The following ARMCX4 variants were observed in gnomAD, a reference collection of about 807,000 sequenced individuals.
ARMCX4 encodes armadillo repeat containing X-linked 4, also known as armadillo repeat-containing X-linked protein 4.
Under a neutral mutation model 34.7 loss-of-function variants are expected in ARMCX4, and 3 were observed. The ratio of observed to expected loss-of-function variants is 0.09; its 90% CI spans 0.04 to 0.22. The LOEUF (loss-of-function observed/expected upper bound fraction) is 0.22, where lower values mean the gene tolerates loss of function less well. Among genes scored for constraint, ARMCX4 ranks in the 10% least tolerant of loss-of-function variants. The pLI, the probability that ARMCX4 is intolerant of heterozygous loss-of-function variation, is 1.00. For synonymous variants in ARMCX4, 513 were observed against 632.8 expected (o/e 0.81, Z 2.84); for missense variants, 1,448 against 1,720.8 (o/e 0.84, Z 2.81).
intron 3 of ARMCX4, among the ~76,000 whole-genome samples, chrX:101,444,989 T>C (rs782204847): frequency 9.5e-4 from 106 of 111,965 alleles, no homozygotes; most frequent in Non-Finnish European, 9.0e-4. Context: ...TGGAATAACA[T>C]TGCTGTCAAA....
At chrX:101,435,706 G>A (rs1473345574) in intron 2 of ARMCX4, among the ~76,000 whole-genome samples, 1 of 109,296 alleles carries the variant, frequency 9.1e-6, no homozygotes, top group Non-Finnish European at 1.9e-5. Context: ...TTTTAGACAT[G>A]AAGTCCTTGC....
At chrX:101,511,648 T>C (rs782213525) in intron 11 of ARMCX4, among the ~76,000 whole-genome samples, 1 of 111,324 alleles carries the variant, frequency 9.0e-6, no homozygotes, top group Non-Finnish European at 1.9e-5. Context: ...ACTTTTTTTT[T>C]TTCTGAGCAT....
chrX:101,439,833 C>G (rs1486281501), intron 2 of ARMCX4, among the ~76,000 whole-genome samples: 1 of 108,614 alleles, frequency 9.2e-6, no homozygotes, highest in African/African-American at 3.4e-5. Context: ...TCCATCAGGT[C>G]CTTTAAGGAC....
At chrX:101,487,997 T>C in intron 4 of ARMCX4, 47 bp from the exon 5 acceptor site, 1 of 768,044 alleles carries the variant, frequency 1.3e-6, no homozygotes, top group South Asian at 2.2e-5. Flanking sequence ...CATCTGTCTG[T>C]CTGTCTCTAG....
chrX:101,483,591 T>C (rs1933563426), upstream of ARMCX4, among the ~76,000 whole-genome samples: 1 of 112,107 alleles, frequency 8.9e-6, no homozygotes. Flanking sequence ...TTCATGTCTT[T>C]TGGCACATTT....
At chrX:101,471,656 C>A (rs1432384771) in intron 4 of ARMCX4, among the ~76,000 whole-genome samples, 1 of 111,516 alleles carries the variant, frequency 9.0e-6, no homozygotes, top group Non-Finnish European at 1.9e-5. Context: ...ACCCCTGACC[C>A]TGGAGCAGCC....
chrX:101,522,520 C>A (rs1934875498), intron 11 of ARMCX4, among the ~76,000 whole-genome samples: 1 of 111,771 alleles, frequency 8.9e-6, no homozygotes, highest in Non-Finnish European at 1.9e-5. Context: ...TTCACATATG[C>A]CATTTTACTA....
At chrX:101,458,394 C>T (rs1036957979) in intron 4 of ARMCX4, among the ~76,000 whole-genome samples, 1 of 110,886 alleles carries the variant, frequency 9.0e-6, no homozygotes, top group African/African-American at 3.3e-5. Flanking sequence ...AATTGTGATT[C>T]TAAATTACCA....
downstream of ARMCX4, among the ~76,000 whole-genome samples, chrX:101,534,666 G>A (rs1416800883): frequency 5.5e-4 from 59 of 107,807 alleles, no homozygotes; most frequent in Admixed American, 8.9e-4. Context: ...TAAAGACTTC[G>A]AAGTAAAAAA....
At chrX:101,448,705 G>A (rs1408976229), downstream of ARMCX4, among the ~76,000 whole-genome samples, 1 of 110,641 alleles carries the variant, frequency 9.0e-6, no homozygotes, top group African/African-American at 3.3e-5. Context: ...CGATTCTCCT[G>A]CCTCAGCCTC....
chrX:101,466,630 T>C (rs1603176409), intron 4 of ARMCX4, among the ~76,000 whole-genome samples: 1 of 112,387 alleles, frequency 8.9e-6, no homozygotes, highest in Non-Finnish European at 1.9e-5. Flanking sequence ...ATAAAAAGTC[T>C]TGTTTCATTT....
Position 101,492,044 on chromosome X carries a change from G to T in ARMCX4, c.3455G>T (p.Arg1152Leu). Residue 1152 changes from arginine to leucine, a missense_variant, in exon 6 of 6, where the codon CGG (arginine) becomes CTG (leucine). Physicochemically the swap from Arg to Leu is moderately radical, Grantham distance 102. Transcript: ENST00000423738. The stretch of plus-strand genomic sequence containing the variant: ...GCTAGTGATAAGGCTGGGATTATTC[G>T]GTCTTGGGCTGTGGCTTGTGATGAG... ...SGASDKAGII[R>L]SWAVACDETS... The T allele has an allele frequency of 8.7e-7, 1 of 1,153,749 alleles. No individual in the cohort carries two copies. Among genetic ancestry groups the T allele is most frequent in the South Asian group, 1.9e-5 (1 of 52,419 alleles).
chrX:101,534,036 C>T (rs1280826435), downstream of ARMCX4, among the ~76,000 whole-genome samples: 1 of 110,874 alleles, frequency 9.0e-6, no homozygotes, highest in Non-Finnish European at 1.9e-5. Flanking sequence ...ATAAAAACAA[C>T]AAACAAAATG....
At chrX:101,514,052 T>A (rs1456021309) in intron 11 of ARMCX4, among the ~76,000 whole-genome samples, 1 of 111,469 alleles carries the variant, frequency 9.0e-6, no homozygotes, top group Non-Finnish European at 1.9e-5. Context: ...CCCCAGCTAG[T>A]ACAGCAAATC....
At chrX:101,473,652 T>A (rs552710361) in intron 4 of ARMCX4, among the ~76,000 whole-genome samples, 1 of 107,070 alleles carries the variant, frequency 9.3e-6, no homozygotes, top group South Asian at 4.2e-4. Context: ...GGATTAAGAA[T>A]CTCACTCAAA....
rs1471027215 is a variant in ARMCX4, at chrX:101,489,700, G to A, written c.1111G>A (p.Glu371Lys). The change falls in exon 6 of 6, where the codon GAG (glutamate) becomes AAG (lysine). Residue 371 changes from glutamate to lysine, a missense_variant. Around this residue, in one of 2 missense-constraint regions of ARMCX4, gnomAD observed 1,343 missense variants for 1,540.7 expected, o/e 0.87. Coordinates refer to ENST00000423738, the MANE Select transcript of ARMCX4 (RefSeq NM_001256155.3). Reference protein sequence around the residue: ...QPQTVAKKQAEVTSGARVDGR... With the variant: ...QPQTVAKKQAKVTSGARVDGR... ...TCAGACTGTGGCCAAGAAACAGGCTGAGGTGACGTCTGGTGCCAGGGTTGA... is the reference window on the plus strand; with the variant it reads ...TCAGACTGTGGCCAAGAAACAGGCTAAGGTGACGTCTGGTGCCAGGGTTGA... 10 of 1,154,834 alleles carry A rather than the reference G, an allele frequency of 8.7e-6. No homozygotes were observed. The East Asian group carries it at 1.3e-4, about 15-fold the overall frequency.
At chrX:101,526,159 A>G (rs1311782633) in intron 11 of ARMCX4, among the ~76,000 whole-genome samples, 1 of 112,323 alleles carries the variant, frequency 8.9e-6, no homozygotes, top group Non-Finnish European at 1.9e-5. Flanking sequence ...ACAAGCCAGA[A>G]GAGAGTGGGG....
At chrX:101,463,649 A>G (rs1932716249) in intron 4 of ARMCX4, among the ~76,000 whole-genome samples, 1 of 112,194 alleles carries the variant, frequency 8.9e-6, no homozygotes, top group African/African-American at 3.2e-5. Context: ...GTAGCTTGGT[A>G]GTGATAATGA....
At chrX:101,463,503 T>G (rs1556001506) in intron 4 of ARMCX4, among the ~76,000 whole-genome samples, 3 of 111,872 alleles carry the variant, frequency 2.7e-5, no homozygotes, top group African/African-American at 9.8e-5. Context: ...ATGATAACAT[T>G]AAATATTTAG....
Sources: gnomAD v4.1 joint callset for allele counts (sites outside exome capture counted in the v4.1 genomes callset) on GRCh38, gnomAD v4.1.1 for gene constraint, gnomAD v4.1.1 regional missense constraint, MANE v1.5 for transcripts, NCBI Gene and HGNC (gene_info 2026-07-23, HGNC 2026-07-21) for gene names.